The following CRADD variants were observed in gnomAD, a reference collection of about 807,000 sequenced individuals.
The protein encoded by CRADD is CARD and death domain containing adaptor protein.
CRADD carries 9 observed loss-of-function variants against 15.5 expected under a neutral mutation model. The observed-to-expected ratio is 0.58, with a 90% CI of 0.35 to 1.01. The LOEUF is 1.01. CRADD is among the 50% of genes least tolerant of loss of function. The probability of loss-of-function intolerance (pLI) is 0.02; values close to 1 mark genes in which losing one functional copy is unlikely to be tolerated. For synonymous variants in CRADD, 118 were observed against 107.6 expected (o/e 1.10, Z -0.60); for missense variants, 227 against 250.3 (o/e 0.91, Z 0.63).
At chr12:93,821,957 A>G (rs1957774021) in intron 2 of CRADD, among the ~76,000 whole-genome samples, 1 of 152,072 alleles carries the variant, frequency 6.6e-6, no homozygotes, top group Admixed American at 6.5e-5. Flanking sequence ...ATCTCTACTA[A>G]AAATACAAAA....
At chr12:93,782,300 C>T (rs1035447867) in intron 2 of CRADD, among the ~76,000 whole-genome samples, 7 of 135,678 alleles carry the variant, frequency 5.2e-5, no homozygotes, top group African/African-American at 2.0e-4. Flanking sequence ...AATGAGAACA[C>T]ATGGACACAG....
At chr12:93,691,432 T>C (rs571998791) in intron 2 of CRADD, among the ~76,000 whole-genome samples, 74 of 152,170 alleles carry the variant, frequency 4.9e-4, no homozygotes, top group African/African-American at 1.8e-3. Flanking sequence ...TTTTGTATTG[T>C]TAGTAGAGAC....
At chr12:93,739,987 G>A (rs1956643558) in intron 2 of CRADD, among the ~76,000 whole-genome samples, 1 of 151,998 alleles carries the variant, frequency 6.6e-6, no homozygotes, top group Non-Finnish European at 1.5e-5. Context: ...AACTTTAGAA[G>A]ACATTTATTG....
intron 2 of CRADD, among the ~76,000 whole-genome samples, chr12:93,791,067 T>C (rs1957344112): frequency 6.6e-6 from 1 of 152,118 alleles, no homozygotes. Context: ...TTTAAAATAC[T>C]ATATTATGTA....
At chr12:93,709,929 CT>C (rs1397461128) in intron 2 of CRADD, among the ~76,000 whole-genome samples, 2 of 152,186 alleles carry the variant, frequency 1.3e-5, no homozygotes, top group African/African-American at 4.8e-5. Context: ...ATATTCTGTA[CT>C]ATACCATTTC....
At chr12:93,828,468 T>C (rs1957851628) in intron 2 of CRADD, among the ~76,000 whole-genome samples, 1 of 152,262 alleles carries the variant, frequency 6.6e-6, no homozygotes, top group Non-Finnish European at 1.5e-5. Flanking sequence ...ATGATCCATG[T>C]TGAATTAATT....
chr12:93,724,170 A>C (rs1956312366), intron 2 of CRADD, among the ~76,000 whole-genome samples: 1 of 152,138 alleles, frequency 6.6e-6, no homozygotes. Context: ...ATTTGAGCCC[A>C]GGAATTCGAG....
At chr12:93,838,213 G>GAT (rs1424968909) in intron 2 of CRADD, among the ~76,000 whole-genome samples, 5 of 76,546 alleles carry the variant, frequency 6.5e-5, no homozygotes, top group Non-Finnish European at 9.3e-5. Flanking sequence ...TTCCTTTTGA[G>GAT]GTTTTTTTTT....
chr12:93,845,926 A>T (rs903515879), intron 2 of CRADD, among the ~76,000 whole-genome samples: 4 of 152,206 alleles, frequency 2.6e-5, no homozygotes, highest in African/African-American at 9.7e-5. Flanking sequence ...TGTACCCATT[A>T]AACAATAATT....
chr12:93,746,213 C>A (rs952120761), intron 2 of CRADD, among the ~76,000 whole-genome samples: 1 of 152,186 alleles, frequency 6.6e-6, no homozygotes, highest in Non-Finnish European at 1.5e-5. Flanking sequence ...TTCCCTTGAA[C>A]CCATCTTGTT....
intron 2 of CRADD, among the ~76,000 whole-genome samples, chr12:93,710,580 G>C (rs1956047442): frequency 1.3e-5 from 2 of 151,988 alleles, no homozygotes; most frequent in African/African-American, 4.8e-5. Flanking sequence ...CTTGACCTCA[G>C]GTGATCCACC....
At chr12:93,733,454 A>G (rs903233460) in intron 2 of CRADD, 6 of 152,292 alleles carry the variant, frequency 3.9e-5, no homozygotes, top group African/African-American at 1.4e-4. Context: ...GCAGTGTTTC[A>G]TTTCTCACAA....
At chr12:93,797,677 G>A (rs771783871) in intron 2 of CRADD, among the ~76,000 whole-genome samples, 19 of 152,022 alleles carry the variant, frequency 1.2e-4, no homozygotes, top group Non-Finnish European at 2.2e-4. Flanking sequence ...TCAACTGCTG[G>A]TACTGTATTT....
chr12:93,693,709 G>T (rs1055332820), intron 2 of CRADD, among the ~76,000 whole-genome samples: 8 of 149,080 alleles, frequency 5.4e-5, no homozygotes, highest in African/African-American at 7.7e-5. Flanking sequence ...AAGTAATAAA[G>T]AAACAGTGGA....
chr12:93,849,956 T>C lies in CRADD; in HGVS notation c.299-14T>C, dbSNP rs201844077. ...GCCTTGCTCATTTCACCGGGGTGTC[T>C]TTTTCCTCCTCAGGTGACAGATTGA... is the stretch of plus-strand genomic sequence containing the variant. On this transcript the variant is annotated splice_polypyrimidine_tract_variant and intron_variant, in intron 2 of 2. Transcript: ENST00000332896. The C allele has an allele frequency of 1.2e-5, 18 of 1,528,370 alleles. No homozygotes were observed. In the African/African-American group the frequency reaches 2.3e-4, roughly 20 times the overall value. 94.7% of individuals were successfully genotyped at this position (1,528,370 alleles called of 1,614,324 possible). A position where few individuals can be genotyped will look rare whatever the true frequency, so the allele number is the denominator to read the frequency against.
chr12:93,781,064 A>G (rs1293304681), intron 2 of CRADD, among the ~76,000 whole-genome samples: 3 of 151,882 alleles, frequency 2.0e-5, no homozygotes. Context: ...CCTCTTGGTT[A>G]CTTTTTTTTA....
intron 2 of CRADD, among the ~76,000 whole-genome samples, chr12:93,723,928 G>A (rs777509908): frequency 6.6e-6 from 1 of 152,164 alleles, no homozygotes; most frequent in Non-Finnish European, 1.5e-5. Flanking sequence ...CTCCAGGCCC[G>A]TTAGGCTGTG....
chr12:93,746,758 GA>G (rs1346693910), intron 2 of CRADD, among the ~76,000 whole-genome samples: 2 of 151,786 alleles, frequency 1.3e-5, no homozygotes, highest in African/African-American at 4.8e-5. Context: ...CAAAGCCATT[GA>G]GACCAGATTT....
chr12:93,852,275 C>G (rs2137052235), downstream of CRADD, among the ~76,000 whole-genome samples: 1 of 152,316 alleles, frequency 6.6e-6, no homozygotes, highest in South Asian at 2.1e-4. Flanking sequence ...GAGCTGGGCT[C>G]TGCTGCGTCT....
Sources: gnomAD v4.1 joint callset for allele counts (sites outside exome capture counted in the v4.1 genomes callset) on GRCh38, gnomAD v4.1.1 for gene constraint, MANE v1.5 for transcripts, NCBI Gene and HGNC (gene_info 2026-07-23, HGNC 2026-07-21) for gene names.